The following ABL2 variants were observed in gnomAD, a reference collection of about 807,000 sequenced individuals.
The protein encoded by ABL2 is tyrosine-protein kinase ABL2.
ABL2 carries 49 observed loss-of-function variants against 107.7 expected under a neutral mutation model. The observed-to-expected ratio is 0.45, with a 90% CI of 0.36 to 0.58. The LOEUF is 0.58. ABL2 is among the 20% of genes least tolerant of loss of function. The pLI, the probability that ABL2 is intolerant of heterozygous loss-of-function variation, is 0.00. For missense variants in ABL2, 1,245 were observed against 1,457.0 expected (o/e 0.85, Z 2.37); for synonymous variants, 549 against 548.6 (o/e 1.00, Z -0.01).
At chr1:179,152,425 T>C (rs1358176640) in intron 1 of ABL2, among the ~76,000 whole-genome samples, 1 of 152,180 alleles carries the variant, frequency 6.6e-6, no homozygotes, top group Non-Finnish European at 1.5e-5. Context: ...TCTTGTTACA[T>C]TTCCTGTGAA....
At chr1:179,182,765 A>G (rs1660451774) in intron 1 of ABL2, among the ~76,000 whole-genome samples, 1 of 152,036 alleles carries the variant, frequency 6.6e-6, no homozygotes, top group Non-Finnish European at 1.5e-5. Flanking sequence ...TGCATATTTA[A>G]ATTTATTTAG....
At chr1:179,128,031 A>G (rs898541054) in intron 3 of ABL2, among the ~76,000 whole-genome samples, 2 of 43,850 alleles carry the variant, frequency 4.6e-5, no homozygotes, top group Admixed American at 4.4e-4. Flanking sequence ...TGAGACTGCT[A>G]AAAAAAAAAA....
At chr1:179,138,933 A>G (rs534967876) in intron 1 of ABL2, among the ~76,000 whole-genome samples, 43 of 151,778 alleles carry the variant, frequency 2.8e-4, no homozygotes, top group African/African-American at 9.9e-4. Context: ...CCGCACTCAC[A>G]CTCGGAGCAG....
At chr1:179,196,409 A>T (rs1661312164) in intron 1 of ABL2, 2 of 152,198 alleles carry the variant, frequency 1.3e-5, no homozygotes, top group African/African-American at 4.8e-5. Flanking sequence ...GGATGATTAA[A>T]TTATTTGTCT....
intron 8 of ABL2, 109 bp from the exon 9 acceptor site, chr1:179,115,139 A>G (rs989485431): frequency 1.0e-5 from 10 of 997,582 alleles, no homozygotes; most frequent in Non-Finnish European, 1.3e-5. Context: ...CACTGTTACA[A>G]CAACATTAAT....
chr1:179,211,248 T>C (rs1662256002), intron 1 of ABL2, among the ~76,000 whole-genome samples: 1 of 152,186 alleles, frequency 6.6e-6, no homozygotes, highest in South Asian at 2.1e-4. Context: ...CTGGACCTGC[T>C]GGCTCACATC....
At chr1:179,188,645 TA>T (rs1660820310) in intron 1 of ABL2, among the ~76,000 whole-genome samples, 2 of 152,262 alleles carry the variant, frequency 1.3e-5, no homozygotes, top group East Asian at 3.9e-4. Context: ...GTATAGTAAA[TA>T]AATATTTAGT....
At chr1:179,133,900 C>G (rs913731717) in intron 1 of ABL2, among the ~76,000 whole-genome samples, 1 of 152,190 alleles carries the variant, frequency 6.6e-6, no homozygotes, top group Middle Eastern at 3.4e-3. Context: ...CTCTTTTTCC[C>G]TCAAAATATC....
intron 1 of ABL2, 74 bp downstream of exon 1, chr1:179,229,167 T>TCCCCCCCCCCCC: frequency 2.5e-6 from 1 of 402,572 alleles, no homozygotes; most frequent in Non-Finnish European, 4.6e-6. Context: ...GGGCAGCCCG[T>TCCCCCCCCCCCC]CCGCCACCCA....
chr1:179,128,494 G>C (rs1655962587), intron 3 of ABL2, among the ~76,000 whole-genome samples: 1 of 152,070 alleles, frequency 6.6e-6, no homozygotes, highest in African/African-American at 2.4e-5. Context: ...TCCTTGAAAA[G>C]AATTGGTAAT....
chr1:179,121,574 CTG>C lies in ABL2; in HGVS notation c.960+19_960+20del, dbSNP rs759842354. 1.0e-5 allele frequency: 16 copies of C among 1,603,998 alleles called. No homozygotes were observed. Among genetic ancestry groups the C allele is most frequent in the Non-Finnish European group, 1.2e-5 (14 of 1,173,110 alleles). ...CACAAAAGAAAAAGATGCCTGAAAA[CTG>C]TAATTCTCAGCAACCCACCTTCAAT... On this transcript the variant is annotated intron_variant, in intron 5 of 11. Coordinates refer to ENST00000502732, the MANE Select transcript of ABL2 (RefSeq NM_007314.4).
intron 1 of ABL2, among the ~76,000 whole-genome samples, chr1:179,170,236 A>G (rs1659641371): frequency 6.6e-6 from 1 of 152,136 alleles, no homozygotes; most frequent in African/African-American, 2.4e-5. Flanking sequence ...TGATAATGAG[A>G]TTAATCCATT....
intron 1 of ABL2, among the ~76,000 whole-genome samples, chr1:179,217,245 C>T (rs1662617253): frequency 6.6e-6 from 1 of 151,790 alleles, no homozygotes; most frequent in Non-Finnish European, 1.5e-5. Context: ...ACCCAAGAGG[C>T]CGAGGTTGCA....
chr1:179,162,440 C>G (rs1451089329), intron 1 of ABL2, among the ~76,000 whole-genome samples: 3 of 151,982 alleles, frequency 2.0e-5, no homozygotes, highest in Non-Finnish European at 4.4e-5. Context: ...CAAAAATTAG[C>G]CGGGCATGGT....
At chr1:179,225,826 G>T (rs1466115841) in intron 1 of ABL2, among the ~76,000 whole-genome samples, 2 of 152,020 alleles carry the variant, frequency 1.3e-5, no homozygotes, top group Non-Finnish European at 2.9e-5. Context: ...CGGATCATGA[G>T]GTCAGGAGAT....
In ABL2 at chr1:179,107,946, G is replaced by A; in HGVS notation, c.3321C>T (p.Ser1107=). ...SSALTEPVPN[S]QLVDTGHQLL... ...GCTGGTGTCCAGTGTCTACCAGCTG[G>A]CTGTTGGGCACAGGTTCCGTGAGTG... Residue 1107 remains serine (S), a synonymous_variant, in exon 12 of 12, where the codon AGC becomes AGT. Coordinates refer to ENST00000502732, the MANE Select transcript of ABL2 (RefSeq NM_007314.4). 6.2e-7 allele frequency: 1 copy of A among 1,614,218 alleles called. No individual in the cohort carries two copies. The highest frequency in any genetic ancestry group is 8.5e-7 in the Non-Finnish European group (1 of 1,180,048).
intron 1 of ABL2, among the ~76,000 whole-genome samples, chr1:179,214,153 A>G (rs1041605095): frequency 6.6e-6 from 1 of 152,150 alleles, no homozygotes; most frequent in Non-Finnish European, 1.5e-5. Flanking sequence ...CCTACCAAGT[A>G]ATGTCCAAAA....
At chr1:179,138,741 C>T (rs1450707762) in intron 1 of ABL2, among the ~76,000 whole-genome samples, 1 of 152,220 alleles carries the variant, frequency 6.6e-6, no homozygotes, top group Non-Finnish European at 1.5e-5. Flanking sequence ...TTTGGTGGCA[C>T]TTGAGGAGCC....
chr1:179,122,018 C>T (rs1021527070), intron 4 of ABL2, 151 bp from the exon 5 acceptor site: 30 of 742,632 alleles, frequency 4.0e-5, no homozygotes, highest in South Asian at 3.1e-4. Context: ...CTCCGCCTCC[C>T]GGGTTCACGC....
Sources: allele counts gnomAD v4.1 joint callset (sites outside exome capture counted in the v4.1 genomes callset), GRCh38; gene constraint gnomAD v4.1.1; transcripts MANE v1.5; gene names NCBI Gene and HGNC (gene_info 2026-07-23, HGNC 2026-07-21).